The following BCORL1 variants were observed in gnomAD, a reference collection of about 807,000 sequenced individuals.
BCORL1 encodes the protein BCL6 corepressor like 1.
A neutral mutation model predicts 87.6 loss-of-function variants in BCORL1; 7 were observed. That is an observed-to-expected ratio of 0.08 (90% CI 0.05 to 0.15). BCORL1 has a LOEUF of 0.15. Among genes scored for constraint, BCORL1 ranks in the 10% least tolerant of loss-of-function variants. The pLI is 1.00. For synonymous variants in BCORL1, 591 were observed against 634.4 expected (o/e 0.93, Z 1.03); for missense variants, 1,215 against 1,499.7 (o/e 0.81, Z 3.13).
In BCORL1 at chrX:130,014,259, C is replaced by T. The variant is rs1057521638; in HGVS notation, c.1487C>T (p.Ser496Phe). Residue 496 changes from serine to phenylalanine, a missense_variant, in exon 4 of 14, where the codon TCC (serine) becomes TTC (phenylalanine). Transcript: ENST00000540052. Reference protein sequence around the residue: ...QDRCLPGVLASPELRSYPYAF... With the variant: ...QDRCLPGVLAFPELRSYPYAF... ...AGGTGTCTCCCAGGCGTGCTAGCCT[C>T]CCCCGAGCTCCGTTCTTACCCGTAT... The T allele has an allele frequency of 9.9e-6, 12 of 1,208,689 alleles. No homozygotes were observed. Among genetic ancestry groups the T allele is most frequent in the Non-Finnish European group, 1.3e-5 (12 of 894,923 alleles).
intron 1 of BCORL1, among the ~76,000 whole-genome samples, chrX:129,993,145 G>C (rs1188133056): frequency 8.9e-6 from 1 of 111,820 alleles, no homozygotes; most frequent in East Asian, 2.8e-4. Context: ...GACATTTTGA[G>C]GTTGCTTTGC....
rs2124441636 is a variant in BCORL1, at chrX:130,013,618, G to A, written c.846G>A (p.Leu282=). 8.3e-7 allele frequency: 1 copy of A among 1,210,854 alleles called. No homozygotes were observed. Among genetic ancestry groups the A allele is most frequent in the East Asian group, 3.0e-5 (1 of 33,828 alleles). The change falls in exon 4 of 14, where the codon TTG becomes TTA. Residue 282 remains leucine (L), a synonymous_variant. Transcript: ENST00000540052. ...SNPLSVSASV[L]VPVPASAPPS... is the part of the protein sequence containing the mutation. ...CCCTTTCTGTTTCGGCCTCAGTCTT[G>A]GTGCCTGTGCCAGCTTCTGCTCCCC...
chrX:129,999,060 G>C (rs1182816996), intron 1 of BCORL1, among the ~76,000 whole-genome samples: 1 of 87,396 alleles, frequency 1.1e-5, no homozygotes, highest in Non-Finnish European at 2.3e-5. Flanking sequence ...ATTTTTTGTG[G>C]TTTTTTTTTT....
At position 130,047,484 on chromosome X, in the gene BCORL1, T is replaced by C. The variant is rs191502005; in HGVS notation, c.4841-3233T>C. 3.8e-3 allele frequency among the ~76,000 whole-genome samples: 432 copies of C among 112,297 alleles called. 1 individual carries two copies. Among genetic ancestry groups the C allele is most frequent in the Non-Finnish European group, 4.5e-3 (237 of 53,240 alleles). On this transcript the variant is annotated intron_variant, in intron 11 of 13. Coordinates refer to ENST00000540052, the MANE Select transcript of BCORL1 (RefSeq NM_001379451.1). ...GCTTTAGCTTCTTTGCTCACGCCAG[T>C]TAACTTTTGGCTGTCTCAAAAAGGC...
In BCORL1 at chrX:130,012,578, A is replaced by G. The variant is rs1448669821; in HGVS notation, c.87A>G (p.Arg29=). 1.7e-6 allele frequency: 2 copies of G among 1,206,805 alleles called. No individual in the cohort carries two copies. The highest frequency in any genetic ancestry group is 3.5e-5 in the African/African-American group (2 of 57,292). The change falls in exon 3 of 14, where the codon AGA becomes AGG. Residue 29 remains arginine, a splice_region_variant and synonymous_variant. Coordinates refer to ENST00000540052, the MANE Select transcript of BCORL1 (RefSeq NM_001379451.1). ...TCTCTGGTTGTATCTTCCATGCTAGAAGAGCACCTCTTTCTGATGAGGAGT... is the reference window on the plus strand; with the variant it reads ...TCTCTGGTTGTATCTTCCATGCTAGGAGAGCACCTCTTTCTGATGAGGAGT... The part of the protein sequence containing the change: ...RIRMCGINEE[R]RAPLSDEEST...
At chrX:130,047,389 T>C (rs771909213) in intron 11 of BCORL1, among the ~76,000 whole-genome samples, 5 of 111,577 alleles carry the variant, frequency 4.5e-5, no homozygotes, top group Non-Finnish European at 9.4e-5. Flanking sequence ...CGTGAGGAAA[T>C]GGTAATGGAA....
At chrX:129,997,159 T>C in intron 1 of BCORL1, among the ~76,000 whole-genome samples, 1 of 111,082 alleles carries the variant, frequency 9.0e-6, no homozygotes, top group Admixed American at 9.7e-5. Context: ...GTGCTGCCTA[T>C]CCTCTATTAC....
intron 4 of BCORL1, among the ~76,000 whole-genome samples, chrX:130,018,022 G>A (rs932789560): frequency 8.9e-6 from 1 of 111,871 alleles, no homozygotes; most frequent in Admixed American, 9.5e-5. Flanking sequence ...TCCTTCCCAG[G>A]CAATGGGAAT....
chrX:129,999,978 C>T (rs1294476782), intron 1 of BCORL1, among the ~76,000 whole-genome samples: 1 of 108,883 alleles, frequency 9.2e-6, no homozygotes, highest in African/African-American at 3.4e-5. Context: ...CTGGCCGAGT[C>T]CTCTAATGCT....
intron 9 of BCORL1, among the ~76,000 whole-genome samples, chrX:130,037,074 A>C (rs1341624559): frequency 9.0e-6 from 1 of 111,007 alleles, no homozygotes; most frequent in Non-Finnish European, 1.9e-5. Flanking sequence ...TGAACCTGGG[A>C]GGCAGAGGCT....
At position 130,000,827 on chromosome X, in the gene BCORL1, A is replaced by G. The variant is rs371925550; in HGVS notation, c.-44-4361A>G. Among the ~76,000 whole-genome samples, 12 of 111,598 alleles carry G rather than the reference A, an allele frequency of 1.1e-4. No homozygotes were observed. In the East Asian group the frequency reaches 2.8e-3, roughly 26 times the overall value. ...ATCAGATAGCCCAGAAGGTTATGCT[A>G]TAGACAGTGCATAGTTTTTTCATTG... On this transcript the variant is annotated intron_variant, in intron 1 of 13. Coordinates refer to ENST00000540052, the MANE Select transcript of BCORL1 (RefSeq NM_001379451.1).
At chrX:130,047,584 A>T (rs758646641) in intron 11 of BCORL1, among the ~76,000 whole-genome samples, 8 of 112,451 alleles carry the variant, frequency 7.1e-5, no homozygotes, top group African/African-American at 2.3e-4. Flanking sequence ...CTTTGAAGGA[A>T]GTTCCCAGAG....
At chrX:130,024,955 A>G (rs1231261275) in intron 6 of BCORL1, 35 bp from the exon 7 acceptor site, 2 of 1,189,936 alleles carry the variant, frequency 1.7e-6, no homozygotes, top group Non-Finnish European at 2.3e-6. Context: ...CCTTTGAAGA[A>G]GTACCTGACC....
rs1193082570 is a variant in BCORL1, at chrX:130,014,991, G to T, written c.2219G>T (p.Arg740Leu). Residue 740 changes from arginine (R) to leucine (L), a missense_variant, in exon 4 of 14, where the codon CGT (arginine) becomes CTT (leucine). Arg to Leu is a moderately radical substitution (Grantham distance 102). Coordinates refer to ENST00000540052, the MANE Select transcript of BCORL1 (RefSeq NM_001379451.1). ...AAAGACCCCAACCTGGGCCTCAACCGTGACCCCCGCCATCTCCCCAAGCAG... is the reference window on the plus strand; with the variant it reads ...AAAGACCCCAACCTGGGCCTCAACCTTGACCCCCGCCATCTCCCCAAGCAG... ...LNKDPNLGLN[R>L]DPRHLPKQEP... 8.3e-7 allele frequency: 1 copy of T among 1,209,676 alleles called. No homozygotes were observed. The highest frequency in any genetic ancestry group is 1.1e-6 in the Non-Finnish European group (1 of 895,156).
chrX:129,981,068 T>G (rs1324315898), upstream of BCORL1: 1 of 111,412 alleles, frequency 9.0e-6, no homozygotes, highest in Non-Finnish European at 1.9e-5. Context: ...TGCCCGGGCT[T>G]CCCGGGCTCT....
Position 130,018,629 on chromosome X carries a change from G to A in BCORL1, c.3442-2356G>A, listed in dbSNP as rs891404448. On this transcript the variant is annotated intron_variant, in intron 4 of 13. Transcript: ENST00000540052. The stretch of plus-strand genomic sequence containing the variant: ...TTACAAACAAAATAGATGTGGCCCC[G>A]CCTCTCATGAAGCTTATGTCTCTCA... 4.5e-5 allele frequency among the ~76,000 whole-genome samples: 5 copies of A among 111,726 alleles called. No homozygotes were observed. In the South Asian group the frequency reaches 1.1e-3, roughly 25 times the overall value.
intron 1 of BCORL1, among the ~76,000 whole-genome samples, chrX:129,997,794 C>CAAAAA (rs1229437098): frequency 3.5e-5 from 1 of 28,961 alleles, no homozygotes; most frequent in African/African-American, 1.3e-4. Context: ...TCCGACTCAC[C>CAAAAA]AAAAAAAAAA....
intron 2 of BCORL1, among the ~76,000 whole-genome samples, chrX:130,006,750 TTAGTAGAGACGG>T (rs1341488486): frequency 9.1e-6 from 1 of 110,405 alleles, no homozygotes; most frequent in Non-Finnish European, 1.9e-5. Context: ...TTTTGTATTT[TTAGTAGAGACGG>T]AGTTTTACTA....
At chrX:130,054,519 G>A (rs1343753171) in intron 13 of BCORL1, among the ~76,000 whole-genome samples, 2 of 110,572 alleles carry the variant, frequency 1.8e-5, no homozygotes, top group African/African-American at 6.6e-5. Context: ...TGGTAGGGTG[G>A]GGGATACAAT....
Sources: gnomAD v4.1 joint callset for allele counts (sites outside exome capture counted in the v4.1 genomes callset) on GRCh38, gnomAD v4.1.1 for gene constraint, MANE v1.5 for transcripts, NCBI Gene and HGNC (gene_info 2026-07-23, HGNC 2026-07-21) for gene names.